The following ZNF143 variants were observed in gnomAD, a reference collection of about 807,000 sequenced individuals.
The protein encoded by ZNF143 is zinc finger protein 143, also known as SPH-binding factor.
Under a neutral mutation model 74.1 loss-of-function variants are expected in ZNF143, and 49 were observed. The observed-to-expected ratio is 0.66, with a 90% CI of 0.53 to 0.84. The LOEUF is 0.84. Among genes scored for constraint, ZNF143 ranks in the 40% least tolerant of loss-of-function variants. ZNF143 has a pLI of 0.00. For synonymous variants in ZNF143, 304 were observed against 282.8 expected (o/e 1.07, Z -0.75); for missense variants, 637 against 793.4 (o/e 0.80, Z 2.37).
chr11:9,521,273 T>C (rs1848918379), intron 14 of ZNF143, among the ~76,000 whole-genome samples: 1 of 152,234 alleles, frequency 6.6e-6, no homozygotes, highest in Admixed American at 6.5e-5. Context: ...TAGAGTATTT[T>C]TACTGCCCTT....
chr11:9,465,209 C>T (rs892027972), intron 1 of ZNF143, among the ~76,000 whole-genome samples: 6 of 152,026 alleles, frequency 3.9e-5, no homozygotes, highest in African/African-American at 7.2e-5. Context: ...TGTTTTGAGA[C>T]GGAGTCTTAC....
At chr11:9,496,544 T>TC (rs1847964025) in intron 9 of ZNF143, among the ~76,000 whole-genome samples, 166 bp downstream of exon 9, 9 of 151,986 alleles carry the variant, frequency 5.9e-5, no homozygotes, top group Admixed American at 5.9e-4. Flanking sequence ...TCCAGACCCC[T>TC]CTCTGTTCTT....
In ZNF143 at chr11:9,516,330, A is replaced by G. The variant is rs779509131; in HGVS notation, c.1654A>G (p.Met552Val). The change falls in exon 14 of 16, where the codon ATG becomes GTG. Residue 552 changes from methionine (M) to valine (V), a missense_variant. Coordinates refer to ENST00000396602, the MANE Select transcript of ZNF143 (RefSeq NM_003442.6). ...ISSAGTHSVAMVTAEGTEGEQ... is the reference protein window; with the variant it reads ...ISSAGTHSVAVVTAEGTEGEQ... ...CTCAGCAGGAACGCACTCTGTTGCT[A>G]TGGTTACTGCTGAGGGTACAGAAGG... 1.9e-5 allele frequency: 30 copies of G among 1,613,728 alleles called. No homozygotes were observed. Among genetic ancestry groups the G allele is most frequent in the East Asian group, 8.9e-5 (4 of 44,886 alleles).
At chr11:9,493,800 TA>T (rs1196388103) in intron 7 of ZNF143, among the ~76,000 whole-genome samples, 4 of 152,210 alleles carry the variant, frequency 2.6e-5, no homozygotes, top group Admixed American at 2.0e-4. Context: ...ATTTCTATTT[TA>T]AAAAGCCTTT....
chr11:9,462,336 A>G (rs1270901709), intron 1 of ZNF143, among the ~76,000 whole-genome samples: 1 of 151,702 alleles, frequency 6.6e-6, no homozygotes, highest in Non-Finnish European at 1.5e-5. Context: ...CATACCTTAC[A>G]GTTCACCCAT....
In ZNF143 at chr11:9,475,910, A is replaced by ATATATGTGTG. The variant is rs370474107; in HGVS notation, c.373+1278_373+1279insATATGTGTGT. Among the ~76,000 whole-genome samples the ATATATGTGTG allele has an allele frequency of 2.0e-3, 270 of 137,368 alleles. 2 individuals carry two copies. The highest frequency in any genetic ancestry group is 6.7e-3 in the African/African-American group (242 of 36,262). 90.1% of individuals were successfully genotyped at this position (137,368 alleles called of 152,430 possible). A position where few individuals can be genotyped will look rare whatever the true frequency, so the allele number is the denominator to read the frequency against. On this transcript the variant is annotated intron_variant, in intron 5 of 15. Transcript: ENST00000396602. ...GAGACCCTGTCTCAAAAAAATATAT[A>ATATATGTGTG]TGTGTGTGTGTGTGTGTGTGTGTGT... is the stretch of plus-strand genomic sequence containing the variant.
chr11:9,504,593 A>T (rs1848285089), intron 11 of ZNF143, among the ~76,000 whole-genome samples: 1 of 125,838 alleles, frequency 7.9e-6, no homozygotes, highest in South Asian at 2.6e-4. Context: ...TATAAGAAAA[A>T]TTTTAATATA....
intron 11 of ZNF143, among the ~76,000 whole-genome samples, chr11:9,502,371 A>T (rs925166225): frequency 1.2e-4 from 17 of 139,638 alleles, no homozygotes; most frequent in African/African-American, 4.5e-4. Flanking sequence ...GCACTTTGGG[A>T]GGCCGAAGTG....
intron 7 of ZNF143, among the ~76,000 whole-genome samples, chr11:9,494,244 A>G (rs1236546334): frequency 1.3e-5 from 2 of 152,206 alleles, no homozygotes; most frequent in African/African-American, 2.4e-5. Context: ...GGAAACCCAC[A>G]TAACAGTTTT....
At chr11:9,515,812 G>A (rs1848703936) in intron 13 of ZNF143, among the ~76,000 whole-genome samples, 1 of 151,610 alleles carries the variant, frequency 6.6e-6, no homozygotes, top group South Asian at 2.1e-4. Context: ...GAGACCCCAT[G>A]TCTACAAAAA....
intron 5 of ZNF143, among the ~76,000 whole-genome samples, chr11:9,475,167 C>T (rs1416227806): frequency 2.0e-5 from 3 of 151,986 alleles, no homozygotes; most frequent in Middle Eastern, 3.2e-3. Context: ...GCTACTGCAC[C>T]CAGCCTTAAT....
intron 1 of ZNF143, among the ~76,000 whole-genome samples, chr11:9,468,619 T>C (rs904217163): frequency 6.6e-6 from 1 of 152,218 alleles, no homozygotes; most frequent in African/African-American, 2.4e-5. Flanking sequence ...TGCTAGCACG[T>C]TCTAATTACT....
In ZNF143 at chr11:9,528,356, C is replaced by T. The variant is rs1849196903; in HGVS notation, c.*743C>T. ...ATAATGAATCATCAAAGTTTAACCA[C>T]AGGCTGGTGCCCGGGATAACAGTAC... is the stretch of plus-strand genomic sequence containing the variant. On this transcript the variant is annotated 3_prime_UTR_variant, in exon 16 of 16. Transcript: ENST00000396602. 6.6e-6 allele frequency: 1 copy of T among 152,136 alleles called. No homozygotes were observed. Among genetic ancestry groups the T allele is most frequent in the African/African-American group, 2.4e-5 (1 of 41,432 alleles). 9.4% of individuals were successfully genotyped at this position (152,136 alleles called of 1,614,324 possible).
rs370473998 is a variant in ZNF143 at position 9,477,113 on chromosome 11, CCCTTCCTTCCTTCCTT to C, written c.374-1233_374-1218del. Reference sequence around the variant, plus strand: ...AGTTGGAAAAAAGTAAAGTCTGCACCCCTTCCTTCCTTCCTTCCTTCCTTCCTTCCTTCCTTCCTTC... The same window carrying C: ...AGTTGGAAAAAAGTAAAGTCTGCACCCCTTCCTTCCTTCCTTCCTTCCTTC... On this transcript the variant is annotated intron_variant, in intron 5 of 15. Transcript: ENST00000396602. Among the ~76,000 whole-genome samples, 599 of 70,494 alleles carry C rather than the reference CCCTTCCTTCCTTCCTT, an allele frequency of 8.5e-3. 9 individuals carry two copies. The highest frequency in any genetic ancestry group is 0.016 in the Middle Eastern group (3 of 184). The allele number at this position is 70,494 out of a possible 152,430, so 46.2% of individuals were successfully genotyped here.
chr11:9,478,707 G>A, intron 6 of ZNF143, 121 bp downstream of exon 6: 1 of 1,136,156 alleles, frequency 8.8e-7, no homozygotes, highest in Non-Finnish European at 1.2e-6. Context: ...GGCTGGGCAT[G>A]GCGTGATGGC....
chr11:9,527,902 A>G lies in ZNF143; in HGVS notation c.*289A>G, dbSNP rs943034536. 4.7e-5 allele frequency: 11 copies of G among 232,422 alleles called. No homozygotes were observed. Among genetic ancestry groups the G allele is most frequent in the Non-Finnish European group, 7.5e-5 (9 of 119,738 alleles). The allele number at this position is 232,422 out of a possible 1,614,324, so 14.4% of individuals were successfully genotyped here. On this transcript the variant is annotated 3_prime_UTR_variant, in exon 16 of 16. Coordinates refer to ENST00000396602, the MANE Select transcript of ZNF143 (RefSeq NM_003442.6). ...CACAAACTCCTAGAGTCTACATGCA[A>G]GACTAGTAAAGTCTTATGGAGTCTT...
chr11:9,473,391 CAAA>C (rs56303913), intron 3 of ZNF143, among the ~76,000 whole-genome samples: 6 of 127,552 alleles, frequency 4.7e-5, no homozygotes, highest in Admixed American at 1.7e-4. Flanking sequence ...AACTCTGTCT[CAAA>C]AAAAAAAAAA....
At chr11:9,476,448 C>G (rs1310729483) in intron 5 of ZNF143, among the ~76,000 whole-genome samples, 2 of 152,110 alleles carry the variant, frequency 1.3e-5, no homozygotes, top group African/African-American at 2.4e-5. Flanking sequence ...TCTTGGCTCA[C>G]TGCAACCTCC....
chr11:9,465,589 TC>T (rs2133819866), intron 1 of ZNF143, among the ~76,000 whole-genome samples: 1 of 151,230 alleles, frequency 6.6e-6, no homozygotes, highest in South Asian at 2.1e-4. Flanking sequence ...AAGCTCTGCC[TC>T]CCAGGTTCAC....
Sources: allele counts gnomAD v4.1 joint callset (sites outside exome capture counted in the v4.1 genomes callset), GRCh38; gene constraint gnomAD v4.1.1; transcripts MANE v1.5; gene names NCBI Gene and HGNC (gene_info 2026-07-23, HGNC 2026-07-21).